MTCL1: variants seen among roughly 807,000 people sequenced by gnomAD.
The protein encoded by MTCL1 is microtubule cross-linking factor 1.
In MTCL1, 79 loss-of-function variants were observed where a neutral mutation model predicts 141.4. That is an observed-to-expected ratio of 0.56 (90% CI 0.47 to 0.67). The LOEUF is 0.67. Among genes scored for constraint, MTCL1 ranks in the 30% least tolerant of loss-of-function variants. The pLI, the probability that MTCL1 is intolerant of heterozygous loss-of-function variation, is 0.00. For synonymous variants in MTCL1, 914 were observed against 875.8 expected, an observed-to-expected ratio of 1.04 and a Z score of -0.77; for missense variants, 2,177 against 2,113.9, an observed-to-expected ratio of 1.03 and a Z score of -0.59.
At chr18:8,805,102 AAT>A (rs71356268) in intron 10 of MTCL1, among the ~76,000 whole-genome samples, 55 of 146,236 alleles carry the variant, frequency 3.8e-4, no homozygotes, top group African/African-American at 4.1e-4. Context: ...TTTATTTTTG[AAT>A]ATATATATAT....
At chr18:8,763,520 G>A (rs566510606) in intron 4 of MTCL1, among the ~76,000 whole-genome samples, 11 of 152,354 alleles carry the variant, frequency 7.2e-5, no homozygotes, top group South Asian at 6.2e-4. Context: ...TCTTATCAGC[G>A]TCTCAATTTC....
chr18:8,806,476 C>G (rs1027919521), intron 10 of MTCL1, among the ~76,000 whole-genome samples: 4 of 152,174 alleles, frequency 2.6e-5, no homozygotes, highest in African/African-American at 9.7e-5. Flanking sequence ...ACTCAGTGTT[C>G]TGGACATCTA....
chr18:8,725,224 G>A (rs1392680888), intron 4 of MTCL1, among the ~76,000 whole-genome samples: 1 of 152,104 alleles, frequency 6.6e-6, no homozygotes, highest in Non-Finnish European at 1.5e-5. Flanking sequence ...AGTGAGCTCA[G>A]GTTATTGAAA....
exon 8 of MTCL1, chr18:8,793,120 G>A: frequency 1.2e-6 from 2 of 1,613,502 alleles, no homozygotes; most frequent in Non-Finnish European, 1.7e-6. Context: ...AGATCCATAA[G>A]GTAAATATTT....
intron 13 of MTCL1, among the ~76,000 whole-genome samples, chr18:8,820,295 AG>A (rs2076801766): frequency 6.6e-6 from 1 of 152,062 alleles, no homozygotes; most frequent in Admixed American, 6.5e-5. Flanking sequence ...CTGTAGTCCC[AG>A]CTACTTGGGA....
At chr18:8,784,963 T>G in intron 6 of MTCL1, 120 bp downstream of exon 5, 2 of 881,882 alleles carry the variant, frequency 2.3e-6, no homozygotes, top group Non-Finnish European at 3.3e-6. Context: ...AAACCTGCAT[T>G]GTACTAAAGC....
chr18:8,818,582 T>C (rs571521995), intron 12 of MTCL1, among the ~76,000 whole-genome samples: 7 of 152,362 alleles, frequency 4.6e-5, no homozygotes, highest in African/African-American at 1.7e-4. Context: ...TCTTCACTTC[T>C]GAAGGAAGTT....
chr18:8,800,534 C>T (rs1277171294), intron 10 of MTCL1: 5 of 152,228 alleles, frequency 3.3e-5, no homozygotes, highest in African/African-American at 9.6e-5. Context: ...TCCCTGTTTC[C>T]CTGTCTTCAG....
rs374501910 is a variant in MTCL1 at position 8,786,109 on chromosome 18, A to T, written c.1887+18A>T. The T allele has an allele frequency of 7.4e-7, 1 of 1,342,526 alleles. No individual in the cohort carries two copies. Among genetic ancestry groups the T allele is most frequent in the Non-Finnish European group, 9.8e-7 (1 of 1,022,224 alleles). 83.2% of individuals were successfully genotyped at this position (1,342,526 alleles called of 1,614,324 possible). ...GCCTGGAGGTCAGCGTGGGCAAGCA[A>T]TCCCCCCCCCCCGCCCTCCCCCTCC... On this transcript the variant is annotated intron_variant, in intron 7 of 16. Coordinates refer to ENST00000359865, the Ensembl canonical transcript of MTCL1.
exon 6 of MTCL1, chr18:8,784,274 G>A (rs960065995): frequency 3.1e-6 from 5 of 1,596,528 alleles, no homozygotes; most frequent in East Asian, 2.2e-5. Context: ...CAGCGATGCC[G>A]AGAGTGATGC....
chr18:8,784,134 C>G (rs2096542148), exon 6 of MTCL1: 2 of 1,613,472 alleles, frequency 1.2e-6, no homozygotes, highest in Non-Finnish European at 1.7e-6. Context: ...CTGAAGTCAG[C>G]CAGGCTGCAG....
In MTCL1 at chr18:8,705,820, G is replaced by T; in HGVS notation, c.160G>T (p.Ala54Ser). The T allele has an allele frequency of 8.5e-7, 1 of 1,182,932 alleles. No homozygotes were observed. The highest frequency in any genetic ancestry group is 1.0e-6 in the Non-Finnish European group (1 of 955,916). 73.3% of individuals were successfully genotyped at this position (1,182,932 alleles called of 1,614,324 possible). The change falls in exon 1 of 14, where the codon GCC becomes TCC. Residue 54 changes from alanine (A) to serine (S), a missense_variant. Ala to Ser is a moderately conservative substitution (Grantham distance 99, BLOSUM62 1). Transcript: ENST00000306329. The surrounding 1 kb of genome is among the most constrained non-coding windows in gnomAD (Gnocchi z 5.2). ...CAGACCCTTCCTCAAGGACCTGCAC[G>T]CCCGGCCCGCCGCGCCCGGCCCGGC...
intron 4 of MTCL1, among the ~76,000 whole-genome samples, chr18:8,764,628 C>T (rs1477873330): frequency 1.3e-5 from 2 of 151,992 alleles, no homozygotes; most frequent in Non-Finnish European, 2.9e-5. Context: ...CCTGCCCCCG[C>T]CCCCCACTTT....
At chr18:8,797,214 T>G (rs559390012) in intron 9 of MTCL1, among the ~76,000 whole-genome samples, 1 of 152,340 alleles carries the variant, frequency 6.6e-6, no homozygotes, top group African/African-American at 2.4e-5. Flanking sequence ...TTTCTAAAAC[T>G]TTTGCTCTTC....
chr18:8,750,252 G>A (rs1211274749), intron 4 of MTCL1, among the ~76,000 whole-genome samples: 1 of 152,050 alleles, frequency 6.6e-6, no homozygotes, highest in Non-Finnish European at 1.5e-5. Flanking sequence ...CACCATGTTG[G>A]CCAGGCTGGT....
In MTCL1 at chr18:8,798,428, TGTC is replaced by T. The variant is rs1285742786; in HGVS notation, c.2436+138_2436+140del. On this transcript the variant is annotated intron_variant, in intron 10 of 16. Coordinates refer to ENST00000359865, the Ensembl canonical transcript of MTCL1. ...CCACCGCCTGACTGCGGTCACCTGT[TGTC>T]ATTTGTGATGCTGGGTTTTTCCTAG... The T allele has an allele frequency of 1.9e-5, 13 of 677,844 alleles. 1 individual carries two copies. The allele number at this position is 677,844 out of a possible 1,614,324, so 42.0% of individuals were successfully genotyped here.
exon 17 of MTCL1, chr18:8,831,744 G>A (rs775199885): frequency 3.0e-5 from 47 of 1,550,266 alleles, no homozygotes; most frequent in Middle Eastern, 3.3e-4. Context: ...CCGGAGACCC[G>A]ACGTCCTTGG....
exon 6 of MTCL1, chr18:8,784,209 T>A (rs1199797532): frequency 1.2e-6 from 2 of 1,612,570 alleles, no homozygotes; most frequent in Non-Finnish European, 1.7e-6. Context: ...CTGTCCAACA[T>A]CCAGCGCTGC....
rs138014945 is a variant in MTCL1, at chr18:8,825,402, G to T, written c.3892G>T (p.Gly1298Cys). Reference sequence around the variant, plus strand: ...CTCTGTCAGGAATGCCATCTGCTCCGGCCCTGGCGAGCTGCAAGTCAAGGA... The same window carrying T: ...CTCTGTCAGGAATGCCATCTGCTCCTGCCCTGGCGAGCTGCAAGTCAAGGA... Residue 1298 changes from glycine (G) to cysteine (C), a missense_variant, in exon 15 of 17, where the codon GGC (glycine) becomes TGC (cysteine). Gly to Cys is a radical substitution (Grantham distance 159). Coordinates refer to ENST00000359865, the Ensembl canonical transcript of MTCL1. The T allele has an allele frequency of 6.5e-7, 1 of 1,543,704 alleles. No individual in the cohort carries two copies. Among genetic ancestry groups the T allele is most frequent in the East Asian group, 2.3e-5 (1 of 44,174 alleles).
Sources: gnomAD v4.1 joint callset for allele counts (sites outside exome capture counted in the v4.1 genomes callset) on GRCh38, gnomAD v4.1.1 for gene constraint, Gnocchi (gnomAD v3.1) non-coding constraint, MANE v1.5 for transcripts, NCBI Gene and HGNC (gene_info 2026-07-23, HGNC 2026-07-21) for gene names.